The following KIF11 variants were observed in gnomAD, a reference collection of about 807,000 sequenced individuals.
The protein encoded by KIF11 is kinesin-like protein KIF11.
Under a neutral mutation model 121.0 loss-of-function variants are expected in KIF11, and 9 were observed. The observed-to-expected ratio is 0.07, with a 90% CI of 0.04 to 0.13. The LOEUF (loss-of-function observed/expected upper bound fraction) is 0.13. KIF11 is among the 10% of genes least tolerant of loss of function. KIF11 has a pLI of 1.00. For synonymous variants in KIF11, 408 were observed against 421.0 expected (o/e 0.97, Z 0.38); for missense variants, 846 against 1,217.5 (o/e 0.69, Z 4.54).
chr10:92,651,705 G>A (rs903803232), intron 21 of KIF11, among the ~76,000 whole-genome samples: 8 of 151,406 alleles, frequency 5.3e-5, no homozygotes, highest in African/African-American at 1.9e-4. Flanking sequence ...AACATAGTTG[G>A]TTTATGATTC....
chr10:92,593,337 G>T lies in KIF11; in HGVS notation c.-39G>T. On this transcript the variant is annotated 5_prime_UTR_variant, in exon 1 of 22. The change creates a new upstream start codon in the 5' untranslated region. Transcript: ENST00000260731. ...GCCCCTCCGCCCCTCACAGCGCCCAGGTCCGCGGCCGGGCCTTGATTTTTT... is the reference window on the plus strand; with the variant it reads ...GCCCCTCCGCCCCTCACAGCGCCCATGTCCGCGGCCGGGCCTTGATTTTTT... The T allele has an allele frequency of 6.3e-6, 10 of 1,581,164 alleles. No homozygotes were observed. Among genetic ancestry groups the T allele is most frequent in the Non-Finnish European group, 8.6e-6 (10 of 1,164,242 alleles).
chr10:92,603,263 C>CTTTTTTT lies in KIF11; in HGVS notation c.78-2989_78-2983dup, dbSNP rs368046931. On this transcript the variant is annotated intron_variant, in intron 1 of 21. Coordinates refer to ENST00000260731, the MANE Select transcript of KIF11 (RefSeq NM_004523.4). ...CCCTTAAACTGCTTTCTTTTCTTTTCTTTTTTTTTTTTTTTTTTTGAGACA... is the reference window on the plus strand; with the variant it reads ...CCCTTAAACTGCTTTCTTTTCTTTTCTTTTTTTTTTTTTTTTTTTTTTTTTTGAGACA... Among the ~76,000 whole-genome samples, 78 of 109,162 alleles carry CTTTTTTT rather than the reference C, an allele frequency of 7.1e-4. 4 individuals are homozygous for CTTTTTTT. The highest frequency in any genetic ancestry group is 2.1e-3 in the South Asian group (7 of 3,264). The allele number at this position is 109,162 out of a possible 152,430, so 71.6% of individuals were successfully genotyped here.
intron 12 of KIF11, among the ~76,000 whole-genome samples, chr10:92,631,354 AT>A (rs1247892671): frequency 0.075 from 9,949 of 131,820 alleles, 276 homozygotes; most frequent in Middle Eastern, 0.21. Context: ...AAAGTATTTA[AT>A]TTTTTTTTTT....
At position 92,630,371 on chromosome 10, in the gene KIF11, C is replaced by T. The variant is rs771417829; in HGVS notation, c.1494+7C>T. 6.5e-7 allele frequency: 1 copy of T among 1,538,100 alleles called. No homozygotes were observed. The highest frequency in any genetic ancestry group is 1.3e-5 in the South Asian group (1 of 76,212). ...TCATGATGCTGCCAGCAAGGTTTGT[C>T]CCTTGTGTTGATTTGTACTCATATT... On this transcript the variant is annotated splice_region_variant and intron_variant, in intron 12 of 21. Transcript: ENST00000260731.
intron 1 of KIF11, chr10:92,597,093 T>C: frequency 3.1e-6 from 1 of 327,756 alleles, no homozygotes; most frequent in Non-Finnish European, 6.1e-6. Context: ...CTCCTGCATC[T>C]TTAGACCTTT....
intron 10 of KIF11, among the ~76,000 whole-genome samples, chr10:92,625,495 C>G (rs1321299950): frequency 6.6e-6 from 1 of 151,748 alleles, no homozygotes; most frequent in Non-Finnish European, 1.5e-5. Context: ...ATTACAGGTG[C>G]CTGCCACCAT....
rs1438050356 is a variant in KIF11 at position 92,654,436 on chromosome 10, C to T, written c.*640C>T. ...AGCTTGAGCTTACATAGGTAAATAT[C>T]ACCAACATCTGTCCTTAGAAAGGAC... On this transcript the variant is annotated 3_prime_UTR_variant, in exon 22 of 22. Transcript: ENST00000260731. 6.6e-6 allele frequency: 1 copy of T among 152,142 alleles called. No individual in the cohort carries two copies. The highest frequency in any genetic ancestry group is 2.4e-5 in the African/African-American group (1 of 41,422). The allele number at this position is 152,142 out of a possible 1,614,324, so 9.4% of individuals were successfully genotyped here.
At chr10:92,598,934 C>T (rs1203467006) in intron 1 of KIF11, among the ~76,000 whole-genome samples, 11 of 152,028 alleles carry the variant, frequency 7.2e-5, no homozygotes, top group Admixed American at 3.9e-4. Context: ...TGTGGCACCA[C>T]GACCAGCTAA....
intron 1 of KIF11, among the ~76,000 whole-genome samples, chr10:92,598,395 A>G (rs985524999): frequency 1.3e-5 from 2 of 152,160 alleles, no homozygotes; most frequent in African/African-American, 4.8e-5. Context: ...ATTAAAAATC[A>G]TTTGCTCATA....
chr10:92,593,525 G>C (rs1475556820), intron 1 of KIF11, 73 bp downstream of exon 1: 1 of 1,321,338 alleles, frequency 7.6e-7, no homozygotes, highest in Admixed American at 2.4e-5. Flanking sequence ...GGTCCAGGGA[G>C]AGGGATTTTA....
At chr10:92,624,937 T>C (rs1429114994) in intron 10 of KIF11, among the ~76,000 whole-genome samples, 5 of 151,872 alleles carry the variant, frequency 3.3e-5, no homozygotes, top group Admixed American at 3.3e-4. Context: ...ACCTGGCTAA[T>C]TTTTGTATTT....
intron 14 of KIF11, 52 bp downstream of exon 14, chr10:92,633,847 G>C: frequency 8.4e-7 from 1 of 1,185,656 alleles, no homozygotes; most frequent in Non-Finnish European, 1.2e-6. Flanking sequence ...ATAAGTATTT[G>C]ATAAAATATT....
chr10:92,600,539 C>T (rs746125270), intron 1 of KIF11, among the ~76,000 whole-genome samples: 5 of 152,022 alleles, frequency 3.3e-5, no homozygotes, highest in African/African-American at 4.8e-5. Context: ...GACAGACTCT[C>T]GCTCTGTCAC....
chr10:92,594,787 C>T (rs1844273875), intron 1 of KIF11, among the ~76,000 whole-genome samples: 1 of 152,054 alleles, frequency 6.6e-6, no homozygotes, highest in South Asian at 2.1e-4. Context: ...CATTTCAAGT[C>T]TTAGAAGAGA....
At chr10:92,653,575 A>T in intron 21 of KIF11, 90 bp from the exon 22 acceptor site, 1 of 1,283,926 alleles carries the variant, frequency 7.8e-7, no homozygotes. Context: ...TTTTTTGCCT[A>T]TAACCCAGAG....
At chr10:92,627,382 A>G (rs538496185) in intron 10 of KIF11, among the ~76,000 whole-genome samples, 3 of 152,052 alleles carry the variant, frequency 2.0e-5, no homozygotes, top group Admixed American at 2.0e-4. Flanking sequence ...AGCATTCTCT[A>G]TTTTACTTTT....
At chr10:92,609,229 A>G in intron 5 of KIF11, 24 bp downstream of exon 5, 1 of 1,535,302 alleles carries the variant, frequency 6.5e-7, no homozygotes, top group South Asian at 1.2e-5. Flanking sequence ...TGAGAATGAA[A>G]TGTCTCTGAA....
intron 14 of KIF11, among the ~76,000 whole-genome samples, chr10:92,635,696 C>T (rs1844788496): frequency 6.6e-6 from 1 of 152,122 alleles, no homozygotes; most frequent in Admixed American, 6.6e-5. Context: ...TGAAAAAAGT[C>T]ACTGATAGAC....
Position 92,620,879 on chromosome 10 carries a change from G to A in KIF11, c.1129-506G>A, listed in dbSNP as rs545185287. Among the ~76,000 whole-genome samples the A allele has an allele frequency of 1.4e-4, 21 of 152,346 alleles. No individual in the cohort carries two copies. In the East Asian group the frequency reaches 2.1e-3, roughly 15 times the overall value. ...TCTCCCACCAGGTCCCTCCCGCAAC[G>A]CGTGGGAATTATGGGAGCTACAAGA... On this transcript the variant is annotated intron_variant, in intron 9 of 21. Coordinates refer to ENST00000260731, the MANE Select transcript of KIF11 (RefSeq NM_004523.4).
Sources: gnomAD v4.1 joint callset for allele counts (sites outside exome capture counted in the v4.1 genomes callset) on GRCh38, gnomAD v4.1.1 for gene constraint, MANE v1.5 for transcripts, NCBI Gene and HGNC (gene_info 2026-07-23, HGNC 2026-07-21) for gene names.